The following MED1 variants were observed in gnomAD, a reference collection of about 807,000 sequenced individuals.
MED1 encodes the protein mediator complex subunit 1, also known as mediator of RNA polymerase II transcription subunit 1.
A neutral mutation model predicts 121.3 loss-of-function variants in MED1; 17 were observed. The ratio of observed to expected loss-of-function variants is 0.14; its 90% CI spans 0.10 to 0.21. The LOEUF (loss-of-function observed/expected upper bound fraction) is 0.21. Among genes scored for constraint, MED1 ranks in the 10% least tolerant of loss-of-function variants. The pLI is 1.00. For synonymous variants in MED1, 661 were observed against 694.4 expected (o/e 0.95, Z 0.76); for missense variants, 1,558 against 1,919.4 (o/e 0.81, Z 3.52).
At chr17:39,437,116 G>A (rs2144760307) in intron 6 of MED1, among the ~76,000 whole-genome samples, 1 of 152,262 alleles carries the variant, frequency 6.6e-6, no homozygotes. Flanking sequence ...ATTTTTAGTA[G>A]AGACGGGGTT....
At position 39,435,646 on chromosome 17, in the gene MED1, C is replaced by T. The variant is rs113852097; in HGVS notation, c.429-1326G>A. On this transcript the variant is annotated intron_variant, in intron 6 of 16. Transcript: ENST00000300651. ...AAATATATTCTTTAACTTAATATTA[C>T]CATCTATACTAAATGGTAATATCAG... Among the ~76,000 whole-genome samples the T allele has an allele frequency of 3.4e-4, 51 of 152,176 alleles. 1 individual carries two copies. Among genetic ancestry groups the T allele is most frequent in the Middle Eastern group, 3.4e-3 (1 of 294 alleles).
chr17:39,405,939 G>C lies in MED1; in HGVS notation c.*1536C>G. On this transcript the variant is annotated 3_prime_UTR_variant, in exon 17 of 17. Coordinates refer to ENST00000300651, the MANE Select transcript of MED1 (RefSeq NM_004774.4). ...TTTTTTTTTAACCCAGAAGAGTTGTGCTGGGGACCATGCCCCATCCCGCTG... is the reference window on the plus strand; with the variant it reads ...TTTTTTTTTAACCCAGAAGAGTTGTCCTGGGGACCATGCCCCATCCCGCTG... 1 of 984,162 alleles carries C rather than the reference G, an allele frequency of 1.0e-6. No homozygotes were observed. The highest frequency in any genetic ancestry group is 1.2e-6 in the Non-Finnish European group (1 of 829,144). The allele number at this position is 984,162 out of a possible 1,614,324, so 61.0% of individuals were successfully genotyped here.
intron 3 of MED1, among the ~76,000 whole-genome samples, chr17:39,443,079 G>A (rs2048695133): frequency 1.5e-5 from 2 of 130,734 alleles, no homozygotes; most frequent in South Asian, 4.7e-4. Flanking sequence ...TTGGCTCACT[G>A]CAACCTCCGC....
intron 9 of MED1, among the ~76,000 whole-genome samples, chr17:39,430,096 T>C (rs2048551649): frequency 6.6e-6 from 1 of 150,766 alleles, no homozygotes; most frequent in African/African-American, 2.4e-5. Context: ...AATAAATAAA[T>C]AGGGATTGGT....
chr17:39,418,063 G>C (rs991574910), intron 14 of MED1, among the ~76,000 whole-genome samples: 6 of 116,512 alleles, frequency 5.1e-5, no homozygotes, highest in African/African-American at 1.2e-4. Context: ...TCCAGCCTGG[G>C]GAACAGAGTG....
intron 13 of MED1, among the ~76,000 whole-genome samples, chr17:39,421,239 A>C (rs1312040127): frequency 1.8e-5 from 2 of 108,516 alleles, no homozygotes; most frequent in East Asian, 2.6e-4. Context: ...CACCAAGAGC[A>C]AAAAAAAAAA....
chr17:39,407,326 C>T lies in MED1; in HGVS notation c.*149G>A, dbSNP rs186328285. The T allele has an allele frequency of 7.1e-6, 10 of 1,409,218 alleles. No homozygotes were observed. In the East Asian group the frequency reaches 2.3e-4, roughly 32 times the overall value. The allele number at this position is 1,409,218 out of a possible 1,614,324, so 87.3% of individuals were successfully genotyped here. On this transcript the variant is annotated 3_prime_UTR_variant, in exon 17 of 17. Transcript: ENST00000300651. ...TTTAATAGGGTCTGGATATGCCTTT[C>T]TAATTCACCCAGCTTGATGTCAAAG...
At chr17:39,423,589 T>A in intron 12 of MED1, 108 bp downstream of exon 12, 1 of 1,505,538 alleles carries the variant, frequency 6.6e-7, no homozygotes, top group Non-Finnish European at 9.2e-7. Context: ...TCTTTACCAG[T>A]AATACTTCAA....
At chr17:39,436,755 G>A (rs540124459) in intron 6 of MED1, among the ~76,000 whole-genome samples, 3 of 151,652 alleles carry the variant, frequency 2.0e-5, no homozygotes, top group Non-Finnish European at 2.9e-5. Context: ...TATTTATTTT[G>A]TTCCACACAT....
At position 39,407,878 on chromosome 17, in the gene MED1, G is replaced by A. The variant is rs2048318255; in HGVS notation, c.4343C>T (p.Pro1448Leu). Residue 1448 changes from proline (P) to leucine (L), a missense_variant, in exon 17 of 17, where the codon CCC becomes CTC. This residue lies in a region of MED1 where 264 missense variants were observed against 326.1 expected (regional missense o/e 0.81). Transcript: ENST00000300651. Reference sequence around the variant, plus strand: ...ATATGCTGGTGACTTACTATGGCTGGGAGAGCCACGCTCATGCTTTGGAGT... The same window carrying A: ...ATATGCTGGTGACTTACTATGGCTGAGAGAGCCACGCTCATGCTTTGGAGT... ...GSTPKHERGSPSHSKSPAYTP... is the reference protein window; with the variant it reads ...GSTPKHERGSLSHSKSPAYTP... The A allele has an allele frequency of 6.2e-7, 1 of 1,614,088 alleles. No individual in the cohort carries two copies. The highest frequency in any genetic ancestry group is 1.3e-5 in the African/African-American group (1 of 75,014).
rs2048488474 is a variant in MED1 at position 39,423,737 on chromosome 17, T to G, written c.936A>C (p.Pro312=). 6.2e-7 allele frequency: 1 copy of G among 1,613,904 alleles called. No individual in the cohort carries two copies. The highest frequency in any genetic ancestry group is 1.1e-5 in the South Asian group (1 of 91,068). The change falls in exon 12 of 17, where the codon CCA becomes CCC. Residue 312 remains proline (P), a synonymous_variant. Transcript: ENST00000300651. ...CFFLKFPQPI[P]VSRAFVQKLQ... is the part of the protein sequence containing the mutation. ...GTTTCTGAACAAATGCTCTAGATAC[T>G]GGGATTGGCTGGGGAAATTTCAAGA... is the stretch of plus-strand genomic sequence containing the variant.
chr17:39,407,409 G>C lies in MED1; in HGVS notation c.*66C>G. The C allele has an allele frequency of 6.6e-7, 1 of 1,505,764 alleles. No individual in the cohort carries two copies. Among genetic ancestry groups the C allele is most frequent in the South Asian group, 1.4e-5 (1 of 72,778 alleles). The allele number at this position is 1,505,764 out of a possible 1,614,324, so 93.3% of individuals were successfully genotyped here. A position where few individuals can be genotyped will look rare whatever the true frequency, so the allele number is the denominator to read the frequency against. On this transcript the variant is annotated 3_prime_UTR_variant, in exon 17 of 17. Coordinates refer to ENST00000300651, the MANE Select transcript of MED1 (RefSeq NM_004774.4). ...CCTGTCTGACTCACCCCTTATGGTG[G>C]TTTGCCTATAAACTTATCAATAGTT...
At chr17:39,418,732 C>G (rs897494735) in intron 14 of MED1, among the ~76,000 whole-genome samples, 1 of 152,050 alleles carries the variant, frequency 6.6e-6, no homozygotes, top group Non-Finnish European at 1.5e-5. Context: ...AGATTCCCAA[C>G]TCTTCCCACT....
In MED1 at chr17:39,415,111, A is replaced by C; in HGVS notation, c.1414T>G (p.Ser472Ala). Residue 472 changes from serine (S) to alanine (A), a missense_variant, in exon 16 of 17, where the codon TCA becomes GCA. Transcript: ENST00000300651. ...LVCVVMDVQD[S>A]THVSCKLYKG... The stretch of plus-strand genomic sequence containing the variant: ...TAGAGTTTACAGCTCACATGTGTTG[A>C]GTCCTGCACATCCATTACCACTGAA... 1.2e-6 allele frequency: 2 copies of C among 1,614,094 alleles called. No homozygotes were observed. Among genetic ancestry groups the C allele is most frequent in the South Asian group, 2.2e-5 (2 of 91,082 alleles).
Position 39,418,789 on chromosome 17 carries a change from AT to A in MED1, c.1297+927del, listed in dbSNP as rs71147329. On this transcript the variant is annotated intron_variant, in intron 14 of 16. Transcript: ENST00000300651. ...TTCGTGTGGAAACACAGCATCTGTG[AT>A]TTTTTTTTTTTTTTTGAGAGGGAGT... Among the ~76,000 whole-genome samples, 1,021 of 142,266 alleles carry A rather than the reference AT, an allele frequency of 7.2e-3. 17 individuals carry two copies. Among genetic ancestry groups the A allele is most frequent in the African/African-American group, 0.024 (931 of 38,760 alleles). The allele number at this position is 142,266 out of a possible 152,430, so 93.3% of individuals were successfully genotyped here. A position where few individuals can be genotyped will look rare whatever the true frequency, so the allele number is the denominator to read the frequency against.
chr17:39,421,251 A>G (rs2048462225), intron 13 of MED1, among the ~76,000 whole-genome samples: 1 of 126,646 alleles, frequency 7.9e-6, no homozygotes, highest in Admixed American at 7.9e-5. Flanking sequence ...AAAAAAAAAA[A>G]AGAAAAAAGA....
rs2048293779 is a variant in MED1, at chr17:39,405,221, G to T, written c.*2254C>A. ...TTAGCCCCGGCTCCCTGTTAAGCAA[G>T]TTCAGATGCTGGGTCAGTGTGGGGG... On this transcript the variant is annotated 3_prime_UTR_variant, in exon 17 of 17. Transcript: ENST00000300651. 9 of 1,578,566 alleles carry T rather than the reference G, an allele frequency of 5.7e-6. No individual in the cohort carries two copies.
intron 2 of MED1, among the ~76,000 whole-genome samples, chr17:39,445,849 T>A (rs2048721025): frequency 6.6e-6 from 1 of 150,896 alleles, no homozygotes. Context: ...GCTAACATGG[T>A]GAAACCCCAT....
At chr17:39,433,025 G>A (rs2048582179) in intron 7 of MED1, among the ~76,000 whole-genome samples, 1 of 152,088 alleles carries the variant, frequency 6.6e-6, no homozygotes. Flanking sequence ...CCAAGATGGT[G>A]AAACCCCACC....
Sources: gnomAD v4.1 joint callset for allele counts (sites outside exome capture counted in the v4.1 genomes callset) on GRCh38, gnomAD v4.1.1 for gene constraint, gnomAD v4.1.1 regional missense constraint, MANE v1.5 for transcripts, NCBI Gene and HGNC (gene_info 2026-07-23, HGNC 2026-07-21) for gene names.